The following PRKAG2 variants were observed in gnomAD, a reference collection of about 807,000 sequenced individuals.
The protein encoded by PRKAG2 is protein kinase AMP-activated non-catalytic subunit gamma 2, also known as 5'-AMP-activated protein kinase subunit gamma-2.
Under a neutral mutation model 69.6 loss-of-function variants are expected in PRKAG2, and 26 were observed. The observed-to-expected ratio is 0.37, with a 90% CI of 0.27 to 0.52. The LOEUF (loss-of-function observed/expected upper bound fraction) is 0.52, where lower values mean the gene tolerates loss of function less well. Ranked by LOEUF, PRKAG2 falls within the 20% of genes least tolerant of loss-of-function variation. PRKAG2 has a pLI of 0.90. For synonymous variants in PRKAG2, 293 were observed against 285.0 expected, an observed-to-expected ratio of 1.03 and a Z score of -0.28; for missense variants, 557 against 740.0, an observed-to-expected ratio of 0.75 and a Z score of 2.87.
At chr7:151,873,505 G>T (rs2080267768) in intron 1 of PRKAG2, among the ~76,000 whole-genome samples, 1 of 152,190 alleles carries the variant, frequency 6.6e-6, no homozygotes, top group Non-Finnish European at 1.5e-5. Flanking sequence ...CAGATGAGGG[G>T]ACCTCCCTGG....
At chr7:151,856,229 A>T (rs1015006694) in intron 1 of PRKAG2, among the ~76,000 whole-genome samples, 2 of 152,242 alleles carry the variant, frequency 1.3e-5, no homozygotes, top group Admixed American at 6.5e-5. Context: ...GTTCAGGGCC[A>T]TCAGGGAGCC....
intron 3 of PRKAG2, among the ~76,000 whole-genome samples, chr7:151,723,808 C>A (rs1797501938): frequency 6.6e-6 from 1 of 152,256 alleles, no homozygotes; most frequent in Admixed American, 6.5e-5. Flanking sequence ...AGCCATGATG[C>A]CTCCCTCTGC....
At chr7:151,752,686 A>G (rs964494629) in intron 3 of PRKAG2, among the ~76,000 whole-genome samples, 1 of 152,262 alleles carries the variant, frequency 6.6e-6, no homozygotes, top group Non-Finnish European at 1.5e-5. Flanking sequence ...TCTTTAAAGT[A>G]GCATTCCAAC....
intron 15 of PRKAG2, chr7:151,558,080 GCTGAAACACC>G: frequency 1.0e-6 from 1 of 985,212 alleles, no homozygotes; most frequent in East Asian, 1.1e-4. Flanking sequence ...AGAGCGTGTG[GCTGAAACACC>G]GTAGCTCCTG....
intron 3 of PRKAG2, among the ~76,000 whole-genome samples, chr7:151,764,082 G>A (rs1446691109): frequency 6.6e-6 from 1 of 152,258 alleles, no homozygotes; most frequent in Non-Finnish European, 1.5e-5. Context: ...AGAGGAGGGA[G>A]GCAGTGTTTG....
chr7:151,726,371 GACACACACACACACACAC>G (rs60238080), intron 3 of PRKAG2, among the ~76,000 whole-genome samples: 4 of 148,284 alleles, frequency 2.7e-5, no homozygotes, highest in African/African-American at 1.0e-4. Context: ...AGGGAGGCAG[GACACACACACACACACAC>G]ACACACACAC....
At chr7:151,824,650 A>T (rs2078866715) in intron 1 of PRKAG2, among the ~76,000 whole-genome samples, 1 of 152,004 alleles carries the variant, frequency 6.6e-6, no homozygotes, top group Admixed American at 6.5e-5. Flanking sequence ...TGCTCCTCTC[A>T]CAGCAAGCAC....
chr7:151,653,612 C>A (rs574279046), intron 4 of PRKAG2, among the ~76,000 whole-genome samples: 2 of 152,080 alleles, frequency 1.3e-5, no homozygotes, highest in Admixed American at 1.3e-4. Context: ...GAGTCTGAGG[C>A]GGGCCGATCA....
intron 3 of PRKAG2, among the ~76,000 whole-genome samples, chr7:151,766,502 G>A (rs1433451081): frequency 6.6e-6 from 1 of 152,232 alleles, no homozygotes; most frequent in African/African-American, 2.4e-5. Context: ...GAGGCGCCCA[G>A]ATCGTGGATA....
chr7:151,694,379 C>A (rs141055135), intron 3 of PRKAG2, among the ~76,000 whole-genome samples: 4 of 152,218 alleles, frequency 2.6e-5, no homozygotes, highest in African/African-American at 9.6e-5. Context: ...TGCTGTGCAG[C>A]CCCCACCACC....
chr7:151,740,539 T>C (rs2073808959), intron 3 of PRKAG2, among the ~76,000 whole-genome samples: 1 of 152,216 alleles, frequency 6.6e-6, no homozygotes, highest in Admixed American at 6.5e-5. Context: ...GCCTCCTTTC[T>C]CCTGCTGGGA....
chr7:151,819,121 T>C (rs1232643363), intron 1 of PRKAG2, among the ~76,000 whole-genome samples: 2 of 152,124 alleles, frequency 1.3e-5, no homozygotes, highest in Non-Finnish European at 2.9e-5. Context: ...AGACAGAGAA[T>C]CTGGCCGGCC....
chr7:151,770,159 CCCTT>C (rs1361894868), intron 3 of PRKAG2, among the ~76,000 whole-genome samples: 3 of 152,164 alleles, frequency 2.0e-5, no homozygotes, highest in Non-Finnish European at 4.4e-5. Flanking sequence ...CTGATGCTGC[CCCTT>C]CCTTTTGCAG....
At chr7:151,753,601 A>T (rs1341184072) in intron 3 of PRKAG2, among the ~76,000 whole-genome samples, 2 of 152,204 alleles carry the variant, frequency 1.3e-5, no homozygotes, top group African/African-American at 4.8e-5. Context: ...TTGTTTTTTT[A>T]GAGACAGAGT....
chr7:151,574,186 T>G (rs1230522647), intron 8 of PRKAG2, among the ~76,000 whole-genome samples: 2 of 152,204 alleles, frequency 1.3e-5, no homozygotes, highest in African/African-American at 4.8e-5. Flanking sequence ...CTACACCTTT[T>G]AAGTACCCCA....
At chr7:151,739,026 C>A (rs942590439) in intron 3 of PRKAG2, among the ~76,000 whole-genome samples, 2 of 152,208 alleles carry the variant, frequency 1.3e-5, no homozygotes, top group Non-Finnish European at 2.9e-5. Context: ...TCCCATGGGG[C>A]CTCCATCCAC....
intron 4 of PRKAG2, among the ~76,000 whole-genome samples, chr7:151,672,704 G>C (rs1832261717): frequency 1.3e-5 from 2 of 152,012 alleles, no homozygotes; most frequent in Non-Finnish European, 2.9e-5. Context: ...CCCTGCGTCG[G>C]AACTTCCTCT....
chr7:151,652,883 T>C (rs1451198221), intron 4 of PRKAG2, among the ~76,000 whole-genome samples: 1 of 151,790 alleles, frequency 6.6e-6, no homozygotes, highest in African/African-American at 2.4e-5. Context: ...CCTCCCAGAG[T>C]GTCAGGATTA....
chr7:151,632,111 CG>C lies in PRKAG2; in HGVS notation c.711del (p.Ala238ArgfsTer16). 7.1e-7 allele frequency: 1 copy of C among 1,414,474 alleles called. No individual in the cohort carries two copies. Among genetic ancestry groups the C allele is most frequent in the Non-Finnish European group, 9.3e-7 (1 of 1,070,452 alleles). 87.6% of individuals were successfully genotyped at this position (1,414,474 alleles called of 1,614,324 possible). A position where few individuals can be genotyped will look rare whatever the true frequency, so the allele number is the denominator to read the frequency against. On this transcript the variant is annotated frameshift_variant, in exon 5 of 16. Transcript: ENST00000287878. LOFTEE classifies it high-confidence loss of function. The surrounding 1 kb of genome is among the most constrained non-coding windows in gnomAD (Gnocchi z 4.2). ...KAAALAAALG[P>X]AEAGMLEKLE... ...AGCTTCTCCAGCATGCCGGCTTCCG[CG>C]GGTCCCAGGGCCGCCGCCAGCGCCG...
Sources: allele counts gnomAD v4.1 joint callset (sites outside exome capture counted in the v4.1 genomes callset), GRCh38; gene constraint gnomAD v4.1.1; non-coding constraint Gnocchi (gnomAD v3.1); transcripts MANE v1.5; gene names NCBI Gene and HGNC (gene_info 2026-07-23, HGNC 2026-07-21).